Variants in RYR3 observed in about 807,000 individuals in gnomAD.
RYR3 encodes ryanodine receptor 3.
Under a neutral mutation model 584.3 loss-of-function variants are expected in RYR3, and 207 were observed. The observed-to-expected ratio is 0.35, with a 90% CI of 0.32 to 0.40. The LOEUF (loss-of-function observed/expected upper bound fraction) is 0.40. RYR3 is among the 10% of genes least tolerant of loss of function. RYR3 has a pLI of 1.00. For missense variants in RYR3, 5,616 were observed against 6,089.2 expected (o/e 0.92, Z 2.59); for synonymous variants, 2,416 against 2,248.5 (o/e 1.07, Z -2.11).
chr15:33,404,705 G>A (rs1055778537), intron 1 of RYR3, among the ~76,000 whole-genome samples: 5 of 151,874 alleles, frequency 3.3e-5, no homozygotes, highest in Admixed American at 6.6e-5. Context: ...TAATACAAAT[G>A]AGAATGGATA....
At chr15:33,411,658 A>ACTTCCC (rs1042368082) in intron 1 of RYR3, among the ~76,000 whole-genome samples, 1 of 152,178 alleles carries the variant, frequency 6.6e-6, no homozygotes, top group Admixed American at 6.5e-5. Context: ...GACCACTTCC[A>ACTTCCC]CTTCCCCTTA....
At chr15:33,342,128 C>T (rs1365038840) in intron 1 of RYR3, among the ~76,000 whole-genome samples, 1 of 152,204 alleles carries the variant, frequency 6.6e-6, no homozygotes, top group Admixed American at 6.5e-5. Flanking sequence ...GCAGTGAGTC[C>T]TGCCCCCACA....
At position 33,788,359 on chromosome 15, in the gene RYR3, C is replaced by A; in HGVS notation, c.9731C>A (p.Thr3244Asn). The part of the protein sequence containing the change: ...EQLKADGKGD[T>N]QEAELLILDE... The stretch of plus-strand genomic sequence containing the variant: ...TTGAAAGCCGATGGCAAAGGGGACA[C>A]CCAGGAGGCAGAACTCCTCATCCTG... Residue 3244 changes from threonine (T) to asparagine (N), a missense_variant, in exon 67 of 104, where the codon ACC becomes AAC. This residue lies in a region of RYR3 where 954 missense variants were observed against 1,132.2 expected (regional missense o/e 0.84). Coordinates refer to ENST00000634891, the MANE Select transcript of RYR3 (RefSeq NM_001036.6). 6.2e-7 allele frequency: 1 copy of A among 1,613,936 alleles called. No homozygotes were observed.
At position 33,769,141 on chromosome 15, in the gene RYR3, C is replaced by G. The variant is rs987949044; in HGVS notation, c.8785C>G (p.Leu2929Val). 6.2e-7 allele frequency: 1 copy of G among 1,613,568 alleles called. No individual in the cohort carries two copies. Among genetic ancestry groups the G allele is most frequent in the African/African-American group, 1.3e-5 (1 of 75,000 alleles). ...TGATTCTACTACAATGGTGAGCTGT[C>G]TTCACATCTTAGCTCAGACACTTGA... ...GSDSTTMVSC[L>V]HILAQTLDTR... The change falls in exon 62 of 104, where the codon CTT becomes GTT. Residue 2929 changes from leucine to valine, a missense_variant. Physicochemically the swap from Leu to Val is conservative, Grantham distance 32. This residue lies in a region of RYR3 where 1,280 missense variants were observed against 1,426.2 expected (regional missense o/e 0.90). Transcript: ENST00000634891.
Position 33,865,115 on chromosome 15 carries a change from G to T in RYR3, c.14518-16G>T, listed in dbSNP as rs369302943. ...TGTGGTTTAAAAATAAGCACCCGTT[G>T]TTCATATTATTTCAGGAATCTTATG... On this transcript the variant is annotated splice_polypyrimidine_tract_variant and intron_variant, in intron 103 of 103. Coordinates refer to ENST00000634891, the MANE Select transcript of RYR3 (RefSeq NM_001036.6). 2 of 1,598,852 alleles carry T rather than the reference G, an allele frequency of 1.3e-6. No homozygotes were observed. Among genetic ancestry groups the T allele is most frequent in the Non-Finnish European group, 1.7e-6 (2 of 1,167,202 alleles).
rs2056391956 is a variant in RYR3 at position 33,548,159 on chromosome 15, G to A, written c.770G>A (p.Gly257Glu). ...ATATTCTACGAAGCTGGGGGAGCTG[G>A]GACTCGAGCCAGGTCTCTTTGGAGA... ...RRIFYEAGGA[G>E]TRARSLWRVE... is the part of the protein sequence containing the mutation. Residue 257 changes from glycine (G) to glutamate (E), a missense_variant, in exon 9 of 104, where the codon GGG (glycine) becomes GAG (glutamate). Gly to Glu is a moderately conservative substitution (Grantham distance 98, BLOSUM62 -2). Around this residue, in one of 9 missense-constraint regions of RYR3, gnomAD observed 1,284 missense variants for 1,344.6 expected, o/e 0.95. Transcript: ENST00000634891. 1 of 1,612,734 alleles carries A rather than the reference G, an allele frequency of 6.2e-7. No individual in the cohort carries two copies. The highest frequency in any genetic ancestry group is 1.7e-5 in the Admixed American group (1 of 59,914).
In RYR3 at chr15:33,414,469, C is replaced by T. The variant is rs114540882; in HGVS notation, c.52-58950C>T. 9.2e-3 allele frequency among the ~76,000 whole-genome samples: 1,404 copies of T among 152,278 alleles called. 17 individuals are homozygous for T. Among genetic ancestry groups the T allele is most frequent in the African/African-American group, 0.025 (1,047 of 41,554 alleles). ...TTATAGTTCTAAATATATAACAAAACAACTCTGGCTCCCAGACCAAGAAAG... is the reference window on the plus strand; with the variant it reads ...TTATAGTTCTAAATATATAACAAAATAACTCTGGCTCCCAGACCAAGAAAG... On this transcript the variant is annotated intron_variant, in intron 1 of 103. Coordinates refer to ENST00000634891, the MANE Select transcript of RYR3 (RefSeq NM_001036.6).
intron 5 of RYR3, among the ~76,000 whole-genome samples, chr15:33,537,031 A>G (rs1158371552): frequency 6.6e-6 from 1 of 152,168 alleles, no homozygotes; most frequent in African/African-American, 2.4e-5. Flanking sequence ...TAACTATCAA[A>G]TCAATATTAA....
intron 10 of RYR3, among the ~76,000 whole-genome samples, 190 bp from the exon 11 acceptor site, chr15:33,562,647 T>C (rs996334761): frequency 1.3e-5 from 2 of 152,194 alleles, no homozygotes; most frequent in African/African-American, 2.4e-5. Context: ...TCGAAAGCCA[T>C]TGATTTTACA....
chr15:33,827,162 G>A (rs903797757), intron 84 of RYR3, 37 bp from the exon 85 acceptor site: 18 of 1,524,586 alleles, frequency 1.2e-5, no homozygotes, highest in African/African-American at 2.8e-5. Context: ...CCTCGGCATG[G>A]CAGGGACAAG....
At chr15:33,845,223 CAG>C (rs2078643050) in intron 93 of RYR3, among the ~76,000 whole-genome samples, 161 bp downstream of exon 93, 1 of 152,184 alleles carries the variant, frequency 6.6e-6, no homozygotes, top group South Asian at 2.1e-4. Flanking sequence ...CCTAGACCTG[CAG>C]AGTCTCAGGC....
intron 18 of RYR3, among the ~76,000 whole-genome samples, chr15:33,604,513 A>AT (rs1383561802): frequency 3.9e-5 from 6 of 152,322 alleles, no homozygotes; most frequent in Non-Finnish European, 5.9e-5. Context: ...GTAAACATTT[A>AT]TTTGTATACT....
chr15:33,559,109 T>A (rs563467401), intron 10 of RYR3, among the ~76,000 whole-genome samples: 1 of 152,280 alleles, frequency 6.6e-6, no homozygotes, highest in South Asian at 2.1e-4. Flanking sequence ...GAGGTTGGCT[T>A]TATGCGCTTT....
intron 52 of RYR3, among the ~76,000 whole-genome samples, chr15:33,744,529 G>A (rs1421003011): frequency 6.6e-6 from 1 of 152,192 alleles, no homozygotes; most frequent in Admixed American, 6.5e-5. Context: ...GGGGCAGCTT[G>A]TTCAGGGCTA....
At chr15:33,619,786 C>A (rs2060625500) in intron 19 of RYR3, among the ~76,000 whole-genome samples, 1 of 152,148 alleles carries the variant, frequency 6.6e-6, no homozygotes, top group Non-Finnish European at 1.5e-5. Flanking sequence ...GCAGACCCCT[C>A]TAGAGTTGAG....
At chr15:33,744,360 A>G (rs1269656247) in intron 52 of RYR3, among the ~76,000 whole-genome samples, 4 of 152,196 alleles carry the variant, frequency 2.6e-5, no homozygotes, top group Non-Finnish European at 1.5e-5. Context: ...TTTGATTGAT[A>G]TCTCTTTCTG....
At chr15:33,675,506 GAT>G (rs2064120621) in intron 38 of RYR3, among the ~76,000 whole-genome samples, 1 of 152,184 alleles carries the variant, frequency 6.6e-6, no homozygotes. Context: ...ACAGTACTGA[GAT>G]AGTTATGAGC....
At chr15:33,466,291 A>C (rs969388509) in intron 1 of RYR3, among the ~76,000 whole-genome samples, 8 of 152,238 alleles carry the variant, frequency 5.3e-5, no homozygotes, top group African/African-American at 1.9e-4. Flanking sequence ...ACTGAGTATG[A>C]GGTGCTAGTG....
intron 36 of RYR3, among the ~76,000 whole-genome samples, chr15:33,664,589 G>GTATGTATATATATATATATATA (rs1555399465): frequency 1.1e-5 from 1 of 91,352 alleles, no homozygotes; most frequent in African/African-American, 4.4e-5. Flanking sequence ...GTGTGTGTGT[G>GTATGTATATATATATATATATA]TATATATATA....
Sources: gnomAD v4.1 joint callset for allele counts (sites outside exome capture counted in the v4.1 genomes callset) on GRCh38, gnomAD v4.1.1 for gene constraint, gnomAD v4.1.1 regional missense constraint, MANE v1.5 for transcripts, NCBI Gene and HGNC (gene_info 2026-07-23, HGNC 2026-07-21) for gene names.